The following MRPS5 variants were observed in gnomAD, a reference collection of about 807,000 sequenced individuals.
MRPS5 encodes small ribosomal subunit protein uS5m.
Under a neutral mutation model 51.9 loss-of-function variants are expected in MRPS5, and 27 were observed. The observed-to-expected ratio is 0.52, with a 90% CI of 0.38 to 0.72. MRPS5 has a LOEUF of 0.72. MRPS5 is among the 30% of genes least tolerant of loss of function. The probability of loss-of-function intolerance (pLI) is 0.00; values close to 1 mark genes in which losing one functional copy is unlikely to be tolerated. For synonymous variants in MRPS5, 196 were observed against 193.2 expected (o/e 1.01, Z -0.12); for missense variants, 570 against 545.7 (o/e 1.04, Z -0.44).
At chr2:95,109,375 A>G (rs573189475) in intron 4 of MRPS5, among the ~76,000 whole-genome samples, 12 of 152,210 alleles carry the variant, frequency 7.9e-5, no homozygotes, top group Non-Finnish European at 1.2e-4. Flanking sequence ...TACTCTTCCA[A>G]AAGCATGAGT....
chr2:95,104,317 T>G (rs1675886314), intron 7 of MRPS5: 2 of 345,040 alleles, frequency 5.8e-6, no homozygotes, highest in Non-Finnish European at 1.1e-5. Context: ...ATGGCTACAC[T>G]GTTTTTATAA....
At chr2:95,120,018 G>A (rs150773658) in intron 1 of MRPS5, among the ~76,000 whole-genome samples, 1 of 152,230 alleles carries the variant, frequency 6.6e-6, no homozygotes, top group Non-Finnish European at 1.5e-5. Flanking sequence ...AGCCGTGATC[G>A]TGCCAATGCA....
At chr2:95,087,634 A>AT in intron 11 of MRPS5, 53 bp from the exon 12 acceptor site, 1 of 1,495,284 alleles carries the variant, frequency 6.7e-7, no homozygotes, top group African/African-American at 1.4e-5. Flanking sequence ...TTTGCAACAT[A>AT]AAGAGCAGGA....
At chr2:95,099,029 C>T (rs1473709432) in intron 10 of MRPS5, among the ~76,000 whole-genome samples, 4 of 151,062 alleles carry the variant, frequency 2.6e-5, no homozygotes, top group Admixed American at 2.0e-4. Context: ...CCCCATTCTC[C>T]TGCCTCAGCC....
intron 8 of MRPS5, 52 bp downstream of exon 8, chr2:95,101,625 A>G: frequency 7.0e-7 from 1 of 1,423,154 alleles, no homozygotes; most frequent in Non-Finnish European, 9.6e-7. Flanking sequence ...TGTCTGGCAT[A>G]TAACTTACTA....
chr2:95,097,357 G>A (rs936477364), intron 10 of MRPS5, among the ~76,000 whole-genome samples: 15 of 151,132 alleles, frequency 9.9e-5, no homozygotes, highest in Non-Finnish European at 1.3e-4. Context: ...TGCATATGGA[G>A]CATATGGAAC....
At chr2:95,111,638 T>C (rs1046702391) in intron 3 of MRPS5, among the ~76,000 whole-genome samples, 5 of 152,210 alleles carry the variant, frequency 3.3e-5, no homozygotes, top group Non-Finnish European at 7.4e-5. Flanking sequence ...ACTTTTCAAA[T>C]TATAAAATAG....
rs764413630 is a variant in MRPS5, at chr2:95,109,885, G to C, written c.403+31C>G. On this transcript the variant is annotated intron_variant, in intron 4 of 11. Coordinates refer to ENST00000272418, the MANE Select transcript of MRPS5 (RefSeq NM_031902.5). ...AAATCTGGGGTAAGAAACTTACAAA[G>C]CACTTTAGCTATTTTTATAAATAAG... 7 of 1,595,336 alleles carry C rather than the reference G, an allele frequency of 4.4e-6. No individual in the cohort carries two copies. The South Asian group carries it at 8.0e-5, about 18-fold the overall frequency.
chr2:95,105,163 T>C (rs1174789329), intron 6 of MRPS5, among the ~76,000 whole-genome samples: 2 of 152,198 alleles, frequency 1.3e-5, no homozygotes, highest in East Asian at 1.9e-4. Context: ...ATGCAGTATA[T>C]AGACATAACC....
intron 11 of MRPS5, 94 bp downstream of exon 11, chr2:95,090,292 A>G (rs140403387): frequency 7.4e-7 from 1 of 1,352,910 alleles, no homozygotes. Flanking sequence ...GCCCCAGGAA[A>G]GCATCTCCAG....
intron 7 of MRPS5, among the ~76,000 whole-genome samples, chr2:95,103,172 C>T (rs1675852229): frequency 6.6e-6 from 1 of 152,164 alleles, no homozygotes; most frequent in African/African-American, 2.4e-5. Context: ...CTTAAAACTT[C>T]TGTGTGGAAA....
intron 4 of MRPS5, among the ~76,000 whole-genome samples, 191 bp from the exon 5 acceptor site, chr2:95,108,599 C>T (rs1390168551): frequency 6.6e-6 from 1 of 152,110 alleles, no homozygotes; most frequent in Non-Finnish European, 1.5e-5. Context: ...CCTAGAGAAA[C>T]ACTCACATAC....
rs749418808 is a variant in MRPS5, at chr2:95,087,496, G to T, written c.1154C>A (p.Ala385Glu). Residue 385 changes from alanine to glutamate, a missense_variant, in exon 12 of 12, where the codon GCG becomes GAG. By Grantham distance (107) the Ala-to-Glu change is moderately radical (BLOSUM62 -1). Transcript: ENST00000272418. ...EECGPLPIVV[A>E]SPRGPLRKDP... ...CTTCCTCAAGGGCCCCCGGGGGGAC[G>T]CAACCACAATGGGCAGAGGGCCACA... 5 of 1,614,028 alleles carry T rather than the reference G, an allele frequency of 3.1e-6. No individual in the cohort carries two copies. The African/African-American group carries it at 6.7e-5, about 22-fold the overall frequency.
chr2:95,113,804 G>A lies in MRPS5; in HGVS notation c.277+1262C>T, dbSNP rs137865320. Among the ~76,000 whole-genome samples, 265 of 151,902 alleles carry A rather than the reference G, an allele frequency of 1.7e-3. 1 individual carries two copies. The highest frequency in any genetic ancestry group is 6.8e-3 in the Middle Eastern group (2 of 294). ...ATAACGTCGCACTGCAGAAGTCCACGGAAAAATGCAATATATTACATTAAA... is the reference window on the plus strand; with the variant it reads ...ATAACGTCGCACTGCAGAAGTCCACAGAAAAATGCAATATATTACATTAAA... On this transcript the variant is annotated intron_variant, in intron 3 of 11. Coordinates refer to ENST00000272418, the MANE Select transcript of MRPS5 (RefSeq NM_031902.5).
chr2:95,118,640 G>A (rs577076614), intron 1 of MRPS5, among the ~76,000 whole-genome samples: 1 of 152,342 alleles, frequency 6.6e-6, no homozygotes, highest in African/African-American at 2.4e-5. Context: ...GCACCACGCT[G>A]ACTGTACTGT....
chr2:95,106,463 G>C lies in MRPS5; in HGVS notation c.638-6C>G, dbSNP rs370602866. The C allele has an allele frequency of 7.3e-5, 116 of 1,597,726 alleles. No individual in the cohort carries two copies. The African/African-American group carries it at 1.5e-3, about 20-fold the overall frequency. On this transcript the variant is annotated splice_region_variant and splice_polypyrimidine_tract_variant and intron_variant, in intron 5 of 11. Coordinates refer to ENST00000272418, the MANE Select transcript of MRPS5 (RefSeq NM_031902.5). Reference sequence around the variant, plus strand: ...ATCAAAATCCTCATATGTTTCTGTAGGGAGAAAAGAAACAGGGATACAGAT... The same window carrying C: ...ATCAAAATCCTCATATGTTTCTGTACGGAGAAAAGAAACAGGGATACAGAT...
At chr2:95,106,666 C>A in intron 5 of MRPS5, 1 of 588,590 alleles carries the variant, frequency 1.7e-6, no homozygotes, top group South Asian at 2.0e-5. Context: ...CTGATCTCCC[C>A]ACCTGCACCC....
chr2:95,100,191 T>A (rs1675754779), intron 10 of MRPS5, among the ~76,000 whole-genome samples: 1 of 152,206 alleles, frequency 6.6e-6, no homozygotes, highest in Non-Finnish European at 1.5e-5. Flanking sequence ...ATGTTCCCAC[T>A]CCTCCAAACC....
Position 95,100,834 on chromosome 2 carries a change from C to A in MRPS5, c.868+3G>T. 6.3e-7 allele frequency: 1 copy of A among 1,585,528 alleles called. No individual in the cohort carries two copies. The highest frequency in any genetic ancestry group is 1.2e-5 in the South Asian group (1 of 85,358). On this transcript the variant is annotated splice_donor_region_variant and intron_variant, in intron 9 of 11. Coordinates refer to ENST00000272418, the MANE Select transcript of MRPS5 (RefSeq NM_031902.5). ...AAAAAAAAAAAAATAGATTATCACT[C>A]ACTTGTATGGTCTTCATATCGTTCT...
Sources: allele counts gnomAD v4.1 joint callset (sites outside exome capture counted in the v4.1 genomes callset), GRCh38; gene constraint gnomAD v4.1.1; transcripts MANE v1.5; gene names NCBI Gene and HGNC (gene_info 2026-07-23, HGNC 2026-07-21).